MYO5C: variants seen among roughly 807,000 people sequenced by gnomAD.
MYO5C encodes myosin VC.
A neutral mutation model predicts 235.7 loss-of-function variants in MYO5C; 194 were observed. The observed-to-expected ratio is 0.82, with a 90% CI of 0.73 to 0.93. The LOEUF (loss-of-function observed/expected upper bound fraction) is 0.93. Among genes scored for constraint, MYO5C ranks in the 40% least tolerant of loss-of-function variants. The probability of loss-of-function intolerance (pLI) is 0.00; values close to 1 mark genes in which losing one functional copy is unlikely to be tolerated. For missense variants in MYO5C, 2,038 were observed against 2,127.2 expected (o/e 0.96, Z 0.82); for synonymous variants, 707 against 754.8 (o/e 0.94, Z 1.04).
intron 4 of MYO5C, 79 bp from the exon 5 acceptor site, chr15:52,275,797 C>A (rs187058392): frequency 7.2e-7 from 1 of 1,385,964 alleles, no homozygotes; most frequent in Admixed American, 1.7e-5. Flanking sequence ...CAAATGTGGA[C>A]AAGACAAAAG....
In MYO5C at chr15:52,213,134, G is replaced by T. The variant is rs553326033; in HGVS notation, c.4141+54C>A. The T allele has an allele frequency of 3.0e-4, 403 of 1,357,836 alleles. 4 individuals are homozygous for T. In the South Asian group the frequency reaches 4.5e-3, roughly 15 times the overall value. 84.1% of individuals were successfully genotyped at this position (1,357,836 alleles called of 1,614,324 possible). A position where few individuals can be genotyped will look rare whatever the true frequency, so the allele number is the denominator to read the frequency against. ...CCTGCCCAGGACTTTGGCACTGACT[G>T]ATATGCAAGTTCTCAAAGAGAAAGC... On this transcript the variant is annotated intron_variant, in intron 34 of 40. Transcript: ENST00000261839.
intron 34 of MYO5C, among the ~76,000 whole-genome samples, chr15:52,212,450 T>C (rs2035464733): frequency 6.6e-6 from 1 of 152,004 alleles, no homozygotes; most frequent in African/African-American, 2.4e-5. Flanking sequence ...AAGAAGAGGC[T>C]CACACTGCAT....
chr15:52,223,521 G>A, intron 29 of MYO5C, 23 bp downstream of exon 29: 1 of 1,603,372 alleles, frequency 6.2e-7, no homozygotes, highest in Non-Finnish European at 8.5e-7. Context: ...GGCCACGACT[G>A]GGGCCCCTGG....
intron 4 of MYO5C, among the ~76,000 whole-genome samples, chr15:52,276,328 AC>A (rs1228327990): frequency 1.3e-5 from 2 of 152,208 alleles, no homozygotes; most frequent in East Asian, 3.8e-4. Flanking sequence ...CCAGTGGAAC[AC>A]GGGTGCAAAC....
intron 8 of MYO5C, among the ~76,000 whole-genome samples, chr15:52,265,770 G>T (rs917370005): frequency 4.6e-5 from 7 of 152,042 alleles, no homozygotes; most frequent in African/African-American, 1.7e-4. Flanking sequence ...GGCTCAAGTG[G>T]TCCACCCTCC....
At chr15:52,289,080 G>A (rs1205489827) in intron 1 of MYO5C, among the ~76,000 whole-genome samples, 1 of 152,136 alleles carries the variant, frequency 6.6e-6, no homozygotes, top group African/African-American at 2.4e-5. Flanking sequence ...GACTGGGAGT[G>A]TCCACACTCC....
At chr15:52,251,691 G>A (rs931389053) in intron 12 of MYO5C, among the ~76,000 whole-genome samples, 176 bp from the exon 13 acceptor site, 10 of 151,712 alleles carry the variant, frequency 6.6e-5, no homozygotes, top group African/African-American at 2.4e-4. Context: ...TTGAGATGGA[G>A]TCTGGCTCTT....
At chr15:52,212,033 C>T (rs1479141975) in intron 34 of MYO5C, 149 bp from the exon 35 acceptor site, 2 of 703,308 alleles carry the variant, frequency 2.8e-6, no homozygotes, top group Non-Finnish European at 4.4e-6. Context: ...TGAGGAATTC[C>T]ATCTGGCTCC....
intron 1 of MYO5C, among the ~76,000 whole-genome samples, chr15:52,289,712 G>A (rs1596239170): frequency 6.6e-6 from 1 of 151,978 alleles, no homozygotes; most frequent in Non-Finnish European, 1.5e-5. Flanking sequence ...TCTCTCATCC[G>A]TACTTGATTG....
chr15:52,236,735 G>C (rs1029129783), intron 22 of MYO5C: 1 of 151,998 alleles, frequency 6.6e-6, no homozygotes, highest in African/African-American at 2.4e-5. Flanking sequence ...CACCTTCTTA[G>C]AACACACTAG....
intron 31 of MYO5C, among the ~76,000 whole-genome samples, chr15:52,219,195 T>C (rs539874660): frequency 1.1e-4 from 17 of 152,344 alleles, no homozygotes. Context: ...CCATTTATTA[T>C]TTTGGAAAAA....
At chr15:52,283,162 C>T (rs1566994110) in intron 1 of MYO5C, among the ~76,000 whole-genome samples, 3 of 152,048 alleles carry the variant, frequency 2.0e-5, no homozygotes, top group Non-Finnish European at 4.4e-5. Context: ...TCCGCGAGTC[C>T]CTTAATGGAA....
At chr15:52,245,247 G>A (rs922330500) in intron 18 of MYO5C, 107 bp downstream of exon 18, 7 of 818,812 alleles carry the variant, frequency 8.5e-6, no homozygotes, top group Non-Finnish European at 1.5e-5. Context: ...TTCCTTTCAG[G>A]TGTTCATGAT....
rs991218377 is a variant in MYO5C, at chr15:52,277,266, C to G, written c.450-1548G>C. On this transcript the variant is annotated intron_variant, in intron 4 of 40. Coordinates refer to ENST00000261839, the MANE Select transcript of MYO5C (RefSeq NM_018728.4). ...CGTTCTGTTATGGCAGTTACACAGACAGACCTCCAAGGAGAAACTGGCTCT... is the reference window on the plus strand; with the variant it reads ...CGTTCTGTTATGGCAGTTACACAGAGAGACCTCCAAGGAGAAACTGGCTCT... The G allele has an allele frequency of 5.2e-5, 27 of 521,416 alleles. No individual in the cohort carries two copies. In the Admixed American group the frequency reaches 5.2e-4, roughly 10 times the overall value. The allele number at this position is 521,416 out of a possible 1,614,324, so 32.3% of individuals were successfully genotyped here. A position where few individuals can be genotyped will look rare whatever the true frequency, so the allele number is the denominator to read the frequency against.
chr15:52,256,588 C>CACGT (rs71130144), intron 11 of MYO5C, 51 bp downstream of exon 11: 1 of 1,168,390 alleles, frequency 8.6e-7, no homozygotes, highest in East Asian at 2.7e-5. Flanking sequence ...CACACACACA[C>CACGT]GCGCGCGCGC....
chr15:52,270,460 G>A (rs1020387038), intron 7 of MYO5C, among the ~76,000 whole-genome samples: 9 of 151,964 alleles, frequency 5.9e-5, no homozygotes, highest in Non-Finnish European at 1.2e-4. Context: ...GCTTTACTGA[G>A]CTTTACTGAA....
At chr15:52,220,824 CA>C (rs34395430) in intron 30 of MYO5C, among the ~76,000 whole-genome samples, 20,569 of 118,386 alleles carry the variant, frequency 0.17, 2,059 homozygotes, top group East Asian at 0.6. Context: ...AACTCAGTCT[CA>C]AAAAAAAAAA....
At chr15:52,274,675 C>T (rs930247535) in intron 5 of MYO5C, among the ~76,000 whole-genome samples, 4 of 148,162 alleles carry the variant, frequency 2.7e-5, no homozygotes, top group Non-Finnish European at 5.9e-5. Context: ...TTAGTACCCC[C>T]CCCCCGACAT....
chr15:52,272,810 C>T, intron 5 of MYO5C, 87 bp from the exon 6 acceptor site: 8 of 1,363,236 alleles, frequency 5.9e-6, no homozygotes, highest in Non-Finnish European at 8.1e-6. Flanking sequence ...AAAAGGCAAT[C>T]CTGTACCCTA....
Sources: gnomAD v4.1 joint callset for allele counts (sites outside exome capture counted in the v4.1 genomes callset) on GRCh38, gnomAD v4.1.1 for gene constraint, MANE v1.5 for transcripts, NCBI Gene and HGNC (gene_info 2026-07-23, HGNC 2026-07-21) for gene names.